Variants in TUSC3 observed in about 807,000 individuals in gnomAD.
TUSC3 encodes dolichyl-diphosphooligosaccharide--protein glycosyltransferase subunit TUSC3.
Under a neutral mutation model 44.8 loss-of-function variants are expected in TUSC3, and 45 were observed. The ratio of observed to expected loss-of-function variants is 1.00; its 90% CI spans 0.79 to 1.29. The LOEUF is 1.29. Ranked by LOEUF, TUSC3 falls within the 50% of genes most tolerant of loss-of-function variation. TUSC3 has a pLI of 0.00. For synonymous variants in TUSC3, 212 were observed against 152.9 expected, an observed-to-expected ratio of 1.39 and a Z score of -2.85; for missense variants, 519 against 437.9, an observed-to-expected ratio of 1.19 and a Z score of -1.65.
At chr8:15,770,653 A>G (rs1340483351), downstream of TUSC3, among the ~76,000 whole-genome samples, 1 of 152,192 alleles carries the variant, frequency 6.6e-6, no homozygotes, top group Non-Finnish European at 1.5e-5. Context: ...TAATAATTGG[A>G]AAAGTCATTA....
At chr8:15,667,672 A>G (rs354522) in intron 5 of TUSC3, among the ~76,000 whole-genome samples, 6 of 151,716 alleles carry the variant, frequency 4.0e-5, no homozygotes, top group African/African-American at 1.4e-4. Context: ...CGTGGTCTTA[A>G]TTAAATTTTG....
intron 2 of TUSC3, among the ~76,000 whole-genome samples, chr8:15,530,445 C>T (rs1801434984): frequency 6.6e-6 from 1 of 152,138 alleles, no homozygotes; most frequent in Non-Finnish European, 1.5e-5. Context: ...AAAGACTTCG[C>T]ATGTATTCAC....
chr8:15,505,214 C>A (rs1300045306), intron 2 of TUSC3, among the ~76,000 whole-genome samples: 1 of 152,142 alleles, frequency 6.6e-6, no homozygotes, highest in Non-Finnish European at 1.5e-5. Flanking sequence ...GCAGCAACTT[C>A]TGGATGATCA....
intron 1 of TUSC3, among the ~76,000 whole-genome samples, chr8:15,459,222 T>C (rs935941199): frequency 6.6e-6 from 1 of 152,202 alleles, no homozygotes; most frequent in African/African-American, 2.4e-5. Flanking sequence ...AATTTTTCAC[T>C]GAATTAATAT....
chr8:15,426,064 T>C (rs185405232), intron 1 of TUSC3, among the ~76,000 whole-genome samples: 132 of 152,278 alleles, frequency 8.7e-4, no homozygotes, highest in Non-Finnish European at 1.3e-3. Flanking sequence ...TAGTAAAATA[T>C]ATTCCTTTAT....
At chr8:15,817,427 G>C in the TUSC3 span, among the ~76,000 whole-genome samples, 1 of 152,030 alleles carries the variant, frequency 6.6e-6, no homozygotes, top group African/African-American at 2.4e-5. Context: ...TAAAACAAAT[G>C]TGGTTTGGCT....
intron 1 of TUSC3, among the ~76,000 whole-genome samples, chr8:15,444,694 G>C (rs569366074): frequency 6.6e-6 from 1 of 152,272 alleles, no homozygotes; most frequent in South Asian, 2.1e-4. Context: ...TTTGGTCAAG[G>C]AGAGAATCTT....
chr8:15,646,927 C>T (rs2129174103), intron 2 of TUSC3, among the ~76,000 whole-genome samples: 1 of 152,152 alleles, frequency 6.6e-6, no homozygotes, highest in East Asian at 1.9e-4. Context: ...TTTTGTTTAT[C>T]ACTGTAACAC....
chr8:15,628,239 T>G (rs942495073), intron 2 of TUSC3, among the ~76,000 whole-genome samples: 3 of 152,184 alleles, frequency 2.0e-5, no homozygotes, highest in African/African-American at 4.8e-5. Context: ...TAGAAATATT[T>G]TATTATCTAA....
intron 7 of TUSC3, among the ~76,000 whole-genome samples, chr8:15,737,825 T>A (rs1048404874): frequency 1.3e-5 from 2 of 152,142 alleles, no homozygotes; most frequent in African/African-American, 4.8e-5. Flanking sequence ...GTAAGAACAG[T>A]GAGAGATGAT....
rs563770566 is a variant in TUSC3, at chr8:15,635,646, C to T, written c.308+12397C>T. Among the ~76,000 whole-genome samples, 336 of 152,148 alleles carry T rather than the reference C, an allele frequency of 2.2e-3. 4 individuals carry two copies. The highest frequency in any genetic ancestry group is 6.3e-3 in the Admixed American group (96 of 15,260). ...AGTAGTAAGGTGCCAGTGGTAGCCC[C>T]GACAAAAGAACAAAGGCTCATTAAA... On this transcript the variant is annotated intron_variant, in intron 2 of 10. Transcript: ENST00000503731.
chr8:15,431,083 T>C (rs1489660446), intron 1 of TUSC3, among the ~76,000 whole-genome samples: 2 of 151,814 alleles, frequency 1.3e-5, no homozygotes, highest in African/African-American at 4.9e-5. Flanking sequence ...TTAATTACTG[T>C]GGCTTTGTAA....
chr8:15,532,189 G>A (rs1236430910), intron 2 of TUSC3, among the ~76,000 whole-genome samples: 1 of 151,850 alleles, frequency 6.6e-6, no homozygotes, highest in Non-Finnish European at 1.5e-5. Flanking sequence ...TACTTTTGCT[G>A]TTTCTGTTCC....
At chr8:15,844,666 C>T in the TUSC3 span, among the ~76,000 whole-genome samples, 5 of 152,296 alleles carry the variant, frequency 3.3e-5, no homozygotes, top group East Asian at 7.7e-4. Flanking sequence ...ATTGTAACCT[C>T]CAGTCACCTG....
chr8:15,545,104 CAG>C (rs1390187726), intron 1 of TUSC3, among the ~76,000 whole-genome samples: 1 of 151,466 alleles, frequency 6.6e-6, no homozygotes, highest in Non-Finnish European at 1.5e-5. Flanking sequence ...AATTAAAATT[CAG>C]AGAGTTTGTC....
In TUSC3 at chr8:15,505,119, G is replaced by A. The variant is rs796807353; in HGVS notation, n.189+21636G>A. 1.3e-4 allele frequency among the ~76,000 whole-genome samples: 20 copies of A among 152,096 alleles called. No individual in the cohort carries two copies. The East Asian group carries it at 1.4e-3, about 10-fold the overall frequency. Reference sequence around the variant, plus strand: ...AAATATGACAGATTGCCCTCCATCCGCCACTTGGAATAAATCATCTGTCAT... The same window carrying A: ...AAATATGACAGATTGCCCTCCATCCACCACTTGGAATAAATCATCTGTCAT... On this transcript the variant is annotated intron_variant and non_coding_transcript_variant, in intron 2 of 5. Transcript: ENST00000503191.
At chr8:15,769,510 C>A (rs182852388), downstream of TUSC3, among the ~76,000 whole-genome samples, 37 of 152,208 alleles carry the variant, frequency 2.4e-4, no homozygotes, top group East Asian at 5.0e-3. Context: ...ATTCAGGACA[C>A]AGGCATGGAC....
the TUSC3 span, among the ~76,000 whole-genome samples, chr8:15,785,484 T>G: frequency 5.6e-3 from 857 of 152,028 alleles, 5 homozygotes; most frequent in Admixed American, 0.01. Context: ...AGTCACCATT[T>G]AACCTTTCTT....
chr8:15,745,673 C>T (rs180998062), intron 8 of TUSC3, among the ~76,000 whole-genome samples: 4 of 151,136 alleles, frequency 2.6e-5, no homozygotes, highest in African/African-American at 9.7e-5. Flanking sequence ...ATTTAAGTTC[C>T]GTGTAGATTC....
Sources: gnomAD v4.1 joint callset for allele counts (sites outside exome capture counted in the v4.1 genomes callset) on GRCh38, gnomAD v4.1.1 for gene constraint, MANE v1.5 for transcripts, NCBI Gene and HGNC (gene_info 2026-07-23, HGNC 2026-07-21) for gene names.